NCOA4: variants seen among roughly 807,000 people sequenced by gnomAD.
NCOA4 encodes the protein 70 kDa AR-activator.
NCOA4 carries 31 observed loss-of-function variants against 69.5 expected under a neutral mutation model. The observed-to-expected ratio is 0.45, with a 90% CI of 0.34 to 0.60. The LOEUF is 0.60. Ranked by LOEUF, NCOA4 falls within the 20% of genes least tolerant of loss-of-function variation. NCOA4 has a pLI of 0.02. For synonymous variants in NCOA4, 228 were observed against 252.4 expected, an observed-to-expected ratio of 0.90 and a Z score of 0.92; for missense variants, 600 against 719.2, an observed-to-expected ratio of 0.83 and a Z score of 1.90.
In NCOA4 at chr10:46,016,549, G is replaced by A. The variant is rs782758516; in HGVS notation, c.132C>T (p.Asn44=). The change falls in exon 2 of 10, where the codon AAC becomes AAT. Residue 44 remains asparagine, a synonymous_variant. Coordinates refer to ENST00000581486, the MANE Select transcript of NCOA4 (RefSeq NM_001145263.2). ...VLRAEQQIKD[N]LREVKAQIHS... ...AAAGCACATGTCACACCTCTCGCAA[G>A]TTATCTTTAATTTGCTGTTCAGCCC... The A allele has an allele frequency of 1.2e-5, 18 of 1,522,624 alleles. No individual in the cohort carries two copies. Among genetic ancestry groups the A allele is most frequent in the Non-Finnish European group, 2.7e-6 (3 of 1,126,148 alleles). 94.3% of individuals were successfully genotyped at this position (1,522,624 alleles called of 1,614,324 possible).
At chr10:46,009,374 C>A in intron 9 of NCOA4, 37 bp downstream of exon 9, 1 of 1,589,366 alleles carries the variant, frequency 6.3e-7, no homozygotes, top group Non-Finnish European at 8.6e-7. Flanking sequence ...TTATAAATAG[C>A]TATAATCTAA....
intron 2 of NCOA4, 93 bp from the exon 3 acceptor site, chr10:46,015,359 G>T: frequency 1.4e-6 from 1 of 737,770 alleles, no homozygotes; most frequent in Non-Finnish European, 2.2e-6. Context: ...TTTTTGGGGG[G>T]GTGGGGTTGG....
At chr10:46,011,388 C>T (rs980789168) in intron 7 of NCOA4, among the ~76,000 whole-genome samples, 182 bp from the exon 8 acceptor site, 3 of 152,126 alleles carry the variant, frequency 2.0e-5, no homozygotes, top group Admixed American at 6.5e-5. Flanking sequence ...CTGCCTCAGC[C>T]TTCCGAGTAG....
chr10:46,009,067 T>C, intron 9 of NCOA4: 5 of 1,135,086 alleles, frequency 4.4e-6, no homozygotes, highest in Non-Finnish European at 6.4e-6. Context: ...AAAGTATTTG[T>C]GTAGCTCTCT....
intron 9 of NCOA4, among the ~76,000 whole-genome samples, chr10:46,007,295 G>A (rs1299438417): frequency 4.6e-5 from 7 of 152,154 alleles, no homozygotes; most frequent in African/African-American, 1.7e-4. Context: ...GGCTGAGAGA[G>A]GTCAGGAACC....
chr10:46,017,686 A>C (rs1210040168), intron 1 of NCOA4, among the ~76,000 whole-genome samples: 1 of 152,224 alleles, frequency 6.6e-6, no homozygotes, highest in African/African-American at 2.4e-5. Flanking sequence ...TTCTCATATA[A>C]AGGAGACACA....
intron 9 of NCOA4, among the ~76,000 whole-genome samples, chr10:46,008,603 C>A (rs1838995441): frequency 6.6e-6 from 1 of 152,156 alleles, no homozygotes; most frequent in Admixed American, 6.5e-5. Flanking sequence ...AGAATCTACT[C>A]CTGGAGAAGA....
At chr10:46,007,081 T>G (rs1317985436) in intron 9 of NCOA4, among the ~76,000 whole-genome samples, 1 of 152,186 alleles carries the variant, frequency 6.6e-6, no homozygotes, top group Non-Finnish European at 1.5e-5. Flanking sequence ...TTTTTCAGCT[T>G]CTCATTCTCT....
intron 1 of NCOA4, among the ~76,000 whole-genome samples, chr10:46,021,973 T>C (rs1241977172): frequency 3.3e-4 from 50 of 151,772 alleles, no homozygotes; most frequent in Admixed American, 2.5e-3. Flanking sequence ...AATAAATAAA[T>C]AAATAAATAA....
At chr10:46,014,644 AATG>A in intron 4 of NCOA4, 92 bp from the exon 5 acceptor site, 1 of 948,888 alleles carries the variant, frequency 1.1e-6, no homozygotes, top group Non-Finnish European at 1.6e-6. Context: ...AGTAATTTTA[AATG>A]ATTACACTTC....
intron 2 of NCOA4, among the ~76,000 whole-genome samples, chr10:46,016,270 T>G (rs1386925499): frequency 6.6e-6 from 1 of 151,896 alleles, no homozygotes; most frequent in African/African-American, 2.4e-5. Flanking sequence ...CACAGAGGAG[T>G]AATCAAAAAT....
intron 1 of NCOA4, among the ~76,000 whole-genome samples, chr10:46,024,818 G>T (rs1840073191): frequency 6.6e-6 from 1 of 152,164 alleles, no homozygotes; most frequent in African/African-American, 2.4e-5. Context: ...ATCCCAAGTA[G>T]ATCATCTCAT....
intron 1 of NCOA4, chr10:46,027,500 C>G (rs1554925747): frequency 6.5e-7 from 1 of 1,549,284 alleles, no homozygotes; most frequent in Non-Finnish European, 8.7e-7. Context: ...CATGTGCGTT[C>G]TATGTTGAAG....
chr10:46,012,070 G>GAAAAAAAAAAAAAAAAAAAAA lies in NCOA4; in HGVS notation c.714+792_714+812dup, dbSNP rs71026286. 1.1e-3 allele frequency among the ~76,000 whole-genome samples: 50 copies of GAAAAAAAAAAAAAAAAAAAAA among 44,526 alleles called. 8 individuals carry two copies. The highest frequency in any genetic ancestry group is 1.4e-3 in the Non-Finnish European group (34 of 24,394). 29.2% of individuals were successfully genotyped at this position (44,526 alleles called of 152,430 possible). On this transcript the variant is annotated intron_variant, in intron 7 of 9. Coordinates refer to ENST00000581486, the MANE Select transcript of NCOA4 (RefSeq NM_001145263.2). ...AGCAAGACTCGGTCTCAAAAAGAAA[G>GAAAAAAAAAAAAAAAAAAAAA]AAAAAAAAAAAAAAAAAAAAAAAAA...
intron 1 of NCOA4, chr10:46,019,638 TA>T (rs1348503247): frequency 4.9e-6 from 2 of 405,952 alleles, no homozygotes; most frequent in Admixed American, 1.3e-4. Flanking sequence ...ACTAGATTCC[TA>T]AAGCAAGTCC....
intron 1 of NCOA4, among the ~76,000 whole-genome samples, chr10:46,019,822 T>G (rs1397910318): frequency 6.6e-6 from 1 of 151,966 alleles, no homozygotes; most frequent in African/African-American, 2.4e-5. Context: ...TTAAAAGGAG[T>G]GTTATCCTTC....
At chr10:46,027,193 C>T (rs555901638) in intron 1 of NCOA4, among the ~76,000 whole-genome samples, 1 of 150,228 alleles carries the variant, frequency 6.7e-6, no homozygotes, top group Admixed American at 6.6e-5. Flanking sequence ...ATGGCGTGAA[C>T]CCGGAAGGCG....
rs782296253 is a variant in NCOA4, at chr10:46,010,238, A to C, written c.1683T>G (p.Leu561=). ...QLSSGEDKWL[L]RKKAQEVLLN... is the part of the protein sequence containing the mutation. ...TTATGCTCACCTGGGCCTTCTTTCG[A>C]AGCAGCCACTTGTCTTCTCCAGAAG... is the stretch of plus-strand genomic sequence containing the variant. The change falls in exon 8 of 10, where the codon CTT becomes CTG. Residue 561 remains leucine (L), a synonymous_variant. Transcript: ENST00000581486. The C allele has an allele frequency of 6.2e-7, 1 of 1,603,190 alleles. No homozygotes were observed. Among genetic ancestry groups the C allele is most frequent in the Admixed American group, 1.8e-5 (1 of 56,826 alleles).
rs1840085081 is a variant in NCOA4 at position 46,025,052 on chromosome 10, A to ATCTCC, written c.-15+5473_-15+5474insGGAGA. 3.9e-5 allele frequency among the ~76,000 whole-genome samples: 6 copies of ATCTCC among 152,320 alleles called. No homozygotes were observed. The South Asian group carries it at 1.2e-3, about 32-fold the overall frequency. ...TTAGCAGGCTGAGACATCCCATGAC[A>ATCTCC]GGCTGTCTGCAAGCTGGAGACCCTG... is the stretch of plus-strand genomic sequence containing the variant. On this transcript the variant is annotated intron_variant, in intron 1 of 9. Transcript: ENST00000581486.
Sources: allele counts gnomAD v4.1 joint callset (sites outside exome capture counted in the v4.1 genomes callset), GRCh38; gene constraint gnomAD v4.1.1; transcripts MANE v1.5; gene names NCBI Gene and HGNC (gene_info 2026-07-23, HGNC 2026-07-21).